The following ADAMTSL1 variants were observed in gnomAD, a reference collection of about 807,000 sequenced individuals.
ADAMTSL1 encodes the protein ADAMTS like 1, also known as ADAMTS-like protein 1.
In ADAMTSL1, 126 loss-of-function variants were observed where a neutral mutation model predicts 201.8. The ratio of observed to expected loss-of-function variants is 0.62; its 90% CI spans 0.54 to 0.72. The LOEUF is 0.72. ADAMTSL1 is among the 30% of genes least tolerant of loss of function. The pLI is 0.00. For synonymous variants in ADAMTSL1, 1,121 were observed against 903.4 expected, an observed-to-expected ratio of 1.24 and a Z score of -4.32; for missense variants, 2,679 against 2,277.8, an observed-to-expected ratio of 1.18 and a Z score of -3.59.
intron 3 of ADAMTSL1, among the ~76,000 whole-genome samples, chr9:18,547,688 T>C (rs959207301): frequency 2.0e-5 from 3 of 149,540 alleles, no homozygotes; most frequent in African/African-American, 7.4e-5. Context: ...GAGAGTTTTC[T>C]CTGAAATTGT....
intron 23 of ADAMTSL1, among the ~76,000 whole-genome samples, chr9:18,859,632 A>G (rs776354075): frequency 6.6e-6 from 1 of 152,212 alleles, no homozygotes; most frequent in Non-Finnish European, 1.5e-5. Flanking sequence ...CAATTTAGCA[A>G]TGTATATCAG....
At chr9:18,840,569 G>A (rs1370477181) in intron 23 of ADAMTSL1, among the ~76,000 whole-genome samples, 1 of 152,160 alleles carries the variant, frequency 6.6e-6, no homozygotes, top group Non-Finnish European at 1.5e-5. Flanking sequence ...CCAATTCTGT[G>A]AAGAAAGTCA....
intron 27 of ADAMTSL1, 58 bp from the exon 28 acceptor site, chr9:18,906,634 C>G: frequency 1.4e-6 from 2 of 1,382,454 alleles, no homozygotes; most frequent in Admixed American, 5.2e-5. Context: ...ATTTTCACAT[C>G]TGCCCTGATT....
At chr9:18,128,156 C>G (rs1303983779) in intron 1 of ADAMTSL1, among the ~76,000 whole-genome samples, 1 of 152,290 alleles carries the variant, frequency 6.6e-6, no homozygotes, top group African/African-American at 2.4e-5. Context: ...TATGCAAACT[C>G]TCAAATGCAT....
intron 23 of ADAMTSL1, among the ~76,000 whole-genome samples, chr9:18,875,370 T>A (rs895922729): frequency 3.3e-5 from 5 of 152,174 alleles, no homozygotes; most frequent in African/African-American, 1.2e-4. Flanking sequence ...TCTTTCAGAC[T>A]TTTTAATGTA....
intron 19 of ADAMTSL1, among the ~76,000 whole-genome samples, chr9:18,790,629 C>G (rs555734112): frequency 7.2e-5 from 11 of 152,048 alleles, no homozygotes; most frequent in African/African-American, 2.7e-4. Context: ...TCATGCATGA[C>G]AAGGATTTTT....
chr9:18,283,159 T>C (rs1832859218), intron 2 of ADAMTSL1, among the ~76,000 whole-genome samples: 1 of 152,230 alleles, frequency 6.6e-6, no homozygotes, highest in South Asian at 2.1e-4. Context: ...ACTCTTATAA[T>C]TGGTATATCT....
chr9:18,224,892 A>G (rs1830388702), intron 2 of ADAMTSL1, among the ~76,000 whole-genome samples: 1 of 152,094 alleles, frequency 6.6e-6, no homozygotes, highest in Non-Finnish European at 1.5e-5. Context: ...GGTGTTCCGT[A>G]ATTTATTTTC....
chr9:18,383,890 C>A (rs1837670946), intron 2 of ADAMTSL1, among the ~76,000 whole-genome samples: 1 of 152,142 alleles, frequency 6.6e-6, no homozygotes, highest in African/African-American at 2.4e-5. Flanking sequence ...ATATGAATCA[C>A]CTGGGGTCTG....
chr9:18,775,889 C>T lies in ADAMTSL1; in HGVS notation c.2544C>T (p.Thr848=), dbSNP rs186437125. Residue 848 remains threonine, a synonymous_variant, in exon 18 of 29, where the codon ACC becomes ACT. Coordinates refer to ENST00000380548, the MANE Select transcript of ADAMTSL1 (RefSeq NM_001040272.6). The part of the protein sequence containing the change: ...SSSIRPCMLA[T]CARPGRPSTK... ...CCATCAGGCCCTGTATGCTGGCAAC[C>T]TGTGCAAGTAAGTATGTCAGGGCTC... The T allele has an allele frequency of 3.8e-6, 6 of 1,593,556 alleles. No homozygotes were observed. The East Asian group carries it at 6.8e-5, about 18-fold the overall frequency.
intron 2 of ADAMTSL1, among the ~76,000 whole-genome samples, chr9:18,527,154 C>G (rs576089448): frequency 1.4e-4 from 21 of 152,098 alleles, no homozygotes; most frequent in Admixed American, 7.9e-4. Context: ...AAGAAAAAAA[C>G]CAGATGGACC....
intron 2 of ADAMTSL1, among the ~76,000 whole-genome samples, chr9:18,272,303 C>T (rs543388948): frequency 6.6e-6 from 1 of 152,272 alleles, no homozygotes; most frequent in African/African-American, 2.4e-5. Flanking sequence ...AATAATACTA[C>T]ACATCTACAA....
chr9:18,622,979 T>A (rs1243649495), intron 5 of ADAMTSL1, among the ~76,000 whole-genome samples: 1 of 152,216 alleles, frequency 6.6e-6, no homozygotes, highest in Non-Finnish European at 1.5e-5. Flanking sequence ...CACTGCAACC[T>A]CCGCTTCCCG....
At chr9:18,890,376 C>A (rs1448195706) in intron 25 of ADAMTSL1, among the ~76,000 whole-genome samples, 1 of 152,196 alleles carries the variant, frequency 6.6e-6, no homozygotes, top group Non-Finnish European at 1.5e-5. Context: ...ATGAGTCCCC[C>A]TGTGCACCTC....
intron 2 of ADAMTSL1, among the ~76,000 whole-genome samples, chr9:18,305,709 AG>A (rs1182859454): frequency 6.6e-6 from 1 of 152,242 alleles, no homozygotes; most frequent in African/African-American, 2.4e-5. Context: ...AGCCGCAGTC[AG>A]GGGCTTATAG....
intron 2 of ADAMTSL1, among the ~76,000 whole-genome samples, chr9:18,191,610 A>C (rs1828974363): frequency 6.6e-6 from 1 of 152,166 alleles, no homozygotes; most frequent in Non-Finnish European, 1.5e-5. Context: ...TGGCCTTGGC[A>C]AGAAGACTTC....
chr9:18,813,281 C>T (rs553535480), intron 20 of ADAMTSL1, among the ~76,000 whole-genome samples: 43 of 152,222 alleles, frequency 2.8e-4, no homozygotes, highest in Non-Finnish European at 4.4e-4. Context: ...TTGTACTTTT[C>T]GCTCAAGGTT....
At chr9:18,388,559 C>A (rs1339891472) in intron 2 of ADAMTSL1, among the ~76,000 whole-genome samples, 1 of 151,978 alleles carries the variant, frequency 6.6e-6, no homozygotes, top group African/African-American at 2.4e-5. Context: ...CAGGCCTGAG[C>A]CACCATGTTC....
Position 18,862,852 on chromosome 9 carries a change from T to C in ADAMTSL1, c.4250-24979T>C, listed in dbSNP as rs543511861. Reference sequence around the variant, plus strand: ...GAGGGTAGAGTCAACTAGGGACTTATAAACCCAGAAAGTTGAAACTTTAAA... The same window carrying C: ...GAGGGTAGAGTCAACTAGGGACTTACAAACCCAGAAAGTTGAAACTTTAAA... On this transcript the variant is annotated intron_variant, in intron 23 of 28. Transcript: ENST00000380548. 1.7e-4 allele frequency among the ~76,000 whole-genome samples: 26 copies of C among 152,304 alleles called. No homozygotes were observed. The South Asian group carries it at 5.2e-3, about 30-fold the overall frequency.
Sources: gnomAD v4.1 joint callset for allele counts (sites outside exome capture counted in the v4.1 genomes callset) on GRCh38, gnomAD v4.1.1 for gene constraint, MANE v1.5 for transcripts, NCBI Gene and HGNC (gene_info 2026-07-23, HGNC 2026-07-21) for gene names.